The following ASTN2 variants were observed in gnomAD, a reference collection of about 807,000 sequenced individuals.
ASTN2 encodes astrotactin-2.
ASTN2 carries 54 observed loss-of-function variants against 139.8 expected under a neutral mutation model. The ratio of observed to expected loss-of-function variants is 0.39; its 90% CI spans 0.31 to 0.48. The LOEUF is 0.48. Ranked by LOEUF, ASTN2 falls within the 20% of genes least tolerant of loss-of-function variation. The pLI is 0.95. For synonymous variants in ASTN2, 756 were observed against 719.5 expected, an observed-to-expected ratio of 1.05 and a Z score of -0.81; for missense variants, 1,565 against 1,725.1, an observed-to-expected ratio of 0.91 and a Z score of 1.64.
intron 19 of ASTN2, chr9:116,611,228 A>C (rs1297375468): frequency 6.6e-6 from 1 of 152,208 alleles, no homozygotes; most frequent in Non-Finnish European, 1.5e-5. Context: ...AATACTTTGA[A>C]CTGAATGAAA....
rs569959228 is a variant in ASTN2, at chr9:116,920,474, C to T, written c.1889+54734G>A. Among the ~76,000 whole-genome samples, 8 of 152,280 alleles carry T rather than the reference C, an allele frequency of 5.3e-5. No individual in the cohort carries two copies. In the East Asian group the frequency reaches 1.5e-3, roughly 29 times the overall value. The stretch of plus-strand genomic sequence containing the variant: ...ACTTTCAGGGTCTCTCAAAAAAAAT[C>T]CTGGGTCAGGATCCCACCTGTCTAC... On this transcript the variant is annotated intron_variant, in intron 10 of 22. Transcript: ENST00000313400.
At chr9:117,401,056 C>G (rs1830814570) in intron 1 of ASTN2, among the ~76,000 whole-genome samples, 2 of 152,162 alleles carry the variant, frequency 1.3e-5, no homozygotes, top group Non-Finnish European at 2.9e-5. Context: ...ACATAGGTAG[C>G]ATGTACTAAG....
chr9:116,778,992 T>A (rs577106067), intron 13 of ASTN2, among the ~76,000 whole-genome samples: 1 of 152,368 alleles, frequency 6.6e-6, no homozygotes, highest in East Asian at 1.9e-4. Flanking sequence ...ATTACTATTA[T>A]GATTGTGATT....
At chr9:116,861,973 C>CCT (rs1832894209) in intron 11 of ASTN2, among the ~76,000 whole-genome samples, 1 of 133,654 alleles carries the variant, frequency 7.5e-6, no homozygotes, top group African/African-American at 2.8e-5. Context: ...TTTCCTTCTT[C>CCT]TTTTTTTTTT....
chr9:116,425,804 C>T lies in ASTN2; in HGVS notation c.*47G>A. On this transcript the variant is annotated 3_prime_UTR_variant, in exon 23 of 23. Transcript: ENST00000313400. ...CCCAGGATCCAGGAGAATACTGCTCCCCCTCCCATGGAGAGTCTCTGTGCT... is the reference window on the plus strand; with the variant it reads ...CCCAGGATCCAGGAGAATACTGCTCTCCCTCCCATGGAGAGTCTCTGTGCT... The T allele has an allele frequency of 1.2e-6, 2 of 1,612,270 alleles. No individual in the cohort carries two copies. Among genetic ancestry groups the T allele is most frequent in the Non-Finnish European group, 1.7e-6 (2 of 1,178,600 alleles).
At chr9:116,761,680 C>T (rs543419484) in intron 13 of ASTN2, among the ~76,000 whole-genome samples, 58 of 152,114 alleles carry the variant, frequency 3.8e-4, no homozygotes, top group South Asian at 8.3e-4. Context: ...GGAACAGTGA[C>T]GGGAGACACT....
chr9:116,888,818 G>A (rs562080506), intron 10 of ASTN2, among the ~76,000 whole-genome samples: 18 of 152,226 alleles, frequency 1.2e-4, no homozygotes, highest in Admixed American at 7.2e-4. Flanking sequence ...ATTAAGCCCC[G>A]ATTGTATTAG....
intron 18 of ASTN2, 69 bp from the exon 19 acceptor site, chr9:116,618,541 T>C: frequency 2.7e-6 from 4 of 1,498,156 alleles, no homozygotes; most frequent in Non-Finnish European, 3.6e-6. Flanking sequence ...AGAATCCGCA[T>C]GTGTCAAGAT....
At chr9:116,951,846 G>T (rs1835573598) in intron 10 of ASTN2, among the ~76,000 whole-genome samples, 1 of 152,064 alleles carries the variant, frequency 6.6e-6, no homozygotes, top group Non-Finnish European at 1.5e-5. Context: ...CCCTCCAAAA[G>T]ACAAAATATT....
intron 19 of ASTN2, among the ~76,000 whole-genome samples, chr9:116,509,254 C>T (rs888627007): frequency 6.6e-6 from 1 of 152,044 alleles, no homozygotes; most frequent in Non-Finnish European, 1.5e-5. Context: ...TGAGAACATG[C>T]AGTGTTTGGT....
intron 20 of ASTN2, among the ~76,000 whole-genome samples, chr9:116,467,663 A>G (rs1441801057): frequency 6.6e-6 from 1 of 152,186 alleles, no homozygotes; most frequent in Non-Finnish European, 1.5e-5. Context: ...GATACATTCT[A>G]TTTTCCTTAA....
At chr9:116,662,025 A>AAT (rs1022435455) in intron 16 of ASTN2, among the ~76,000 whole-genome samples, 3 of 151,288 alleles carry the variant, frequency 2.0e-5, no homozygotes, top group African/African-American at 7.3e-5. Context: ...AAAAGAAAAA[A>AAT]ATATATATAT....
At chr9:117,393,579 C>T (rs1830599802) in intron 1 of ASTN2, among the ~76,000 whole-genome samples, 1 of 152,202 alleles carries the variant, frequency 6.6e-6, no homozygotes, top group Non-Finnish European at 1.5e-5. Context: ...ATCACTCACA[C>T]GGGACAGTTT....
chr9:116,854,175 C>T (rs1832679946), intron 11 of ASTN2, among the ~76,000 whole-genome samples: 1 of 152,126 alleles, frequency 6.6e-6, no homozygotes, highest in Non-Finnish European at 1.5e-5. Flanking sequence ...AGATCCACCT[C>T]AGAAGCCTTG....
chr9:116,550,040 C>A (rs767643032), intron 19 of ASTN2, among the ~76,000 whole-genome samples: 6 of 152,168 alleles, frequency 3.9e-5, no homozygotes, highest in Non-Finnish European at 5.9e-5. Context: ...ATGAAATGTC[C>A]CTGCTTTAAT....
At chr9:116,570,286 C>G (rs1279445193) in intron 19 of ASTN2, among the ~76,000 whole-genome samples, 1 of 152,164 alleles carries the variant, frequency 6.6e-6, no homozygotes, top group East Asian at 1.9e-4. Context: ...ATAAGAATAA[C>G]CAAATCCTAT....
At chr9:117,150,020 T>C (rs1830292142) in intron 3 of ASTN2, among the ~76,000 whole-genome samples, 1 of 152,200 alleles carries the variant, frequency 6.6e-6, no homozygotes, top group Non-Finnish European at 1.5e-5. Context: ...ATACAAGATC[T>C]TGGGCCTGTC....
At chr9:116,654,884 A>T (rs1858119574) in intron 16 of ASTN2, among the ~76,000 whole-genome samples, 1 of 152,210 alleles carries the variant, frequency 6.6e-6, no homozygotes, top group South Asian at 2.1e-4. Context: ...TTAAATATAT[A>T]ACTATCCATT....
Position 116,925,861 on chromosome 9 carries a change from A to AACACAC in ASTN2, c.1889+49341_1889+49346dup, listed in dbSNP as rs573361389. ...CCATATGCAAGGAGATACACAACAC[A>AACACAC]ACACACACACACACACACACACACA... On this transcript the variant is annotated intron_variant, in intron 10 of 22. Transcript: ENST00000313400. Among the ~76,000 whole-genome samples, 37 of 54,136 alleles carry AACACAC rather than the reference A, an allele frequency of 6.8e-4. No individual in the cohort carries two copies. In the South Asian group the frequency reaches 8.9e-3, roughly 13 times the overall value. 35.5% of individuals were successfully genotyped at this position (54,136 alleles called of 152,430 possible). A position where few individuals can be genotyped will look rare whatever the true frequency, so the allele number is the denominator to read the frequency against.
Sources: gnomAD v4.1 joint callset for allele counts (sites outside exome capture counted in the v4.1 genomes callset) on GRCh38, gnomAD v4.1.1 for gene constraint, MANE v1.5 for transcripts, NCBI Gene and HGNC (gene_info 2026-07-23, HGNC 2026-07-21) for gene names.